MYOM1: variants seen among roughly 807,000 people sequenced by gnomAD.
MYOM1 encodes the protein myomesin 1, also known as myomesin-1.
A neutral mutation model predicts 205.3 loss-of-function variants in MYOM1; 164 were observed. The observed-to-expected ratio is 0.80, with a 90% CI of 0.70 to 0.91. The LOEUF (loss-of-function observed/expected upper bound fraction) is 0.91, where lower values mean the gene tolerates loss of function less well. MYOM1 is among the 40% of genes least tolerant of loss of function. The pLI is 0.00. For synonymous variants in MYOM1, 772 were observed against 789.4 expected, an observed-to-expected ratio of 0.98 and a Z score of 0.37; for missense variants, 2,011 against 2,127.3, an observed-to-expected ratio of 0.95 and a Z score of 1.08.
rs1021020137 is a variant in MYOM1 at position 3,191,900 on chromosome 18, G to A, written c.431+1918C>T. 2.6e-5 allele frequency among the ~76,000 whole-genome samples: 4 copies of A among 152,002 alleles called. No individual in the cohort carries two copies. In the South Asian group the frequency reaches 8.3e-4, roughly 32 times the overall value. On this transcript the variant is annotated intron_variant, in intron 3 of 37. Coordinates refer to ENST00000356443, the MANE Select transcript of MYOM1 (RefSeq NM_003803.4). ...TTTAGTAGAGACCGGGTTTCACCGT[G>A]TTAGCCAGGATGGTCTCAATCTCCT...
At chr18:3,147,141 AAT>A (rs1220116831) in intron 13 of MYOM1, among the ~76,000 whole-genome samples, 3 of 143,594 alleles carry the variant, frequency 2.1e-5, no homozygotes, top group Non-Finnish European at 3.0e-5. Context: ...ATTATAGATA[AAT>A]ATATATATTA....
At chr18:3,204,143 T>C (rs2081102856) in intron 2 of MYOM1, among the ~76,000 whole-genome samples, 1 of 152,028 alleles carries the variant, frequency 6.6e-6, no homozygotes, top group East Asian at 1.9e-4. Context: ...CTACACCTAA[T>C]GTCATACTTA....
chr18:3,076,419 T>C (rs929037002), intron 34 of MYOM1, among the ~76,000 whole-genome samples: 3 of 152,156 alleles, frequency 2.0e-5, no homozygotes, highest in African/African-American at 7.2e-5. Flanking sequence ...ATCCTGAGTG[T>C]CAAACAAAAA....
chr18:3,089,764 A>C (rs555733966), intron 27 of MYOM1, among the ~76,000 whole-genome samples, 168 bp from the exon 28 acceptor site: 8 of 152,342 alleles, frequency 5.3e-5, no homozygotes, highest in African/African-American at 1.7e-4. Context: ...GGAAGGTTAA[A>C]TAAATTGTAC....
chr18:3,109,977 C>A (rs534437311), intron 22 of MYOM1, among the ~76,000 whole-genome samples: 56 of 152,164 alleles, frequency 3.7e-4, no homozygotes, highest in Non-Finnish European at 4.4e-4. Context: ...TCAAGTGTGG[C>A]TCAGGACTAA....
chr18:3,142,123 G>A (rs149254166), intron 13 of MYOM1, 60 bp from the exon 14 acceptor site: 8 of 1,582,508 alleles, frequency 5.1e-6, no homozygotes, highest in Non-Finnish European at 6.0e-6. Flanking sequence ...GATACTCAGA[G>A]AGCCAAAGAC....
At chr18:3,174,086 C>T (rs200452279) in intron 7 of MYOM1, 34 bp downstream of exon 7, 14 of 1,610,310 alleles carry the variant, frequency 8.7e-6, no homozygotes, top group South Asian at 4.4e-5. Flanking sequence ...AAAACACACA[C>T]ACACTTTGAA....
intron 19 of MYOM1, among the ~76,000 whole-genome samples, chr18:3,120,998 C>G (rs1185998614): frequency 2.0e-5 from 3 of 152,070 alleles, no homozygotes; most frequent in Admixed American, 2.0e-4. Flanking sequence ...AAATAACAGA[C>G]ATTTTCAACA....
At chr18:3,196,023 A>T (rs1318926683) in intron 2 of MYOM1, among the ~76,000 whole-genome samples, 1 of 152,216 alleles carries the variant, frequency 6.6e-6, no homozygotes, top group African/African-American at 2.4e-5. Context: ...AAAACGCAAG[A>T]TCTTCACTTT....
rs777175291 is a variant in MYOM1, at chr18:3,149,174, T to C, written c.1871A>G (p.Gln624Arg). 7 of 1,613,804 alleles carry C rather than the reference T, an allele frequency of 4.3e-6. No individual in the cohort carries two copies. The East Asian group carries it at 1.1e-4, about 26-fold the overall frequency. Residue 624 changes from glutamine (Q) to arginine (R), a missense_variant, in exon 13 of 38, where the codon CAG (glutamine) becomes CGG (arginine). Transcript: ENST00000356443. ...AGGTTCCTCTTCAGTAACAATGATC[T>C]GTCCAGTCCAGGGTGCTGAGGGGCG... ...KSRPSAPWTG[Q>R]IIVTEEEPSE...
rs551048139 is a variant in MYOM1, at chr18:3,070,589, G to A, written c.4764+1245C>T. Among the ~76,000 whole-genome samples, 45 of 152,210 alleles carry A rather than the reference G, an allele frequency of 3.0e-4. No homozygotes were observed. In the Middle Eastern group the frequency reaches 0.014, roughly 46 times the overall value. ...GCATCTTATCTTACAGGGGCTCTTC[G>A]GAAAATGCACAGTACTTGTTGGGGA... On this transcript the variant is annotated intron_variant, in intron 37 of 37. Coordinates refer to ENST00000356443, the MANE Select transcript of MYOM1 (RefSeq NM_003803.4).
chr18:3,239,833 C>T, the MYOM1 span, among the ~76,000 whole-genome samples: 11 of 149,634 alleles, frequency 7.4e-5, no homozygotes, highest in East Asian at 2.0e-3. Context: ...TTGTGGGCAT[C>T]GAGGGCCCAC....
In MYOM1 at chr18:3,157,680, AAATAATAATAATAATAAT is replaced by A. The variant is rs55669820; in HGVS notation, c.1502-2610_1502-2593del. Among the ~76,000 whole-genome samples the A allele has an allele frequency of 7.3e-4, 102 of 139,716 alleles. 1 individual carries two copies. The highest frequency in any genetic ancestry group is 1.5e-3 in the Admixed American group (21 of 13,722). The allele number at this position is 139,716 out of a possible 152,430, so 91.7% of individuals were successfully genotyped here. On this transcript the variant is annotated intron_variant, in intron 10 of 37. Coordinates refer to ENST00000356443, the MANE Select transcript of MYOM1 (RefSeq NM_003803.4). ...TGACAGAGCAAGACCTTGTCTCCAA[AAATAATAATAATAATAAT>A]AATAATAATAATAATAATAATAATA...
At chr18:3,128,996 T>C (rs960672239) in intron 18 of MYOM1, among the ~76,000 whole-genome samples, 2 of 152,178 alleles carry the variant, frequency 1.3e-5, no homozygotes, top group African/African-American at 2.4e-5. Context: ...ACCAAATTAC[T>C]TGAAACATTC....
At chr18:3,227,427 G>C in the MYOM1 span, among the ~76,000 whole-genome samples, 1 of 152,136 alleles carries the variant, frequency 6.6e-6, no homozygotes, top group Admixed American at 6.5e-5. Context: ...CGAGTTTATA[G>C]AGAAAGCAGA....
intron 22 of MYOM1, among the ~76,000 whole-genome samples, chr18:3,111,047 G>A (rs1462690624): frequency 7.0e-6 from 1 of 143,574 alleles, no homozygotes; most frequent in Non-Finnish European, 1.5e-5. Flanking sequence ...TGCCTCCTGG[G>A]TTCACGCGAT....
At chr18:3,132,188 G>A (rs1317148749) in intron 16 of MYOM1, among the ~76,000 whole-genome samples, 1 of 150,126 alleles carries the variant, frequency 6.7e-6, no homozygotes, top group African/African-American at 2.4e-5. Flanking sequence ...GTCTCGCTCT[G>A]TTGCCCAGGC....
intron 18 of MYOM1, 24 bp downstream of exon 18, chr18:3,129,208 C>A: frequency 2.5e-6 from 4 of 1,605,474 alleles, no homozygotes; most frequent in Middle Eastern, 2.0e-4. Context: ...ACGGATGGAA[C>A]AGCTTCCCTT....
At position 3,097,558 on chromosome 18, in the gene MYOM1, C is replaced by A. The variant is rs1022042043; in HGVS notation, c.3727+2601G>T. On this transcript the variant is annotated intron_variant, in intron 25 of 37. Transcript: ENST00000356443. ...CCCGCCTCAGTCTCTCGAGGAGCTG[C>A]GGCCACACCTGGCTAATTTTTGTAT... Among the ~76,000 whole-genome samples the A allele has an allele frequency of 3.3e-5, 5 of 151,824 alleles. No individual in the cohort carries two copies. The East Asian group carries it at 9.7e-4, about 29-fold the overall frequency.
Sources: gnomAD v4.1 joint callset for allele counts (sites outside exome capture counted in the v4.1 genomes callset) on GRCh38, gnomAD v4.1.1 for gene constraint, MANE v1.5 for transcripts, NCBI Gene and HGNC (gene_info 2026-07-23, HGNC 2026-07-21) for gene names.